Variants in TLE1 observed in about 807,000 individuals in gnomAD.
The protein encoded by TLE1 is TLE family member 1, transcriptional corepressor.
In TLE1, 21 loss-of-function variants were observed where a neutral mutation model predicts 89.8. That is an observed-to-expected ratio of 0.23 (90% CI 0.17 to 0.34). TLE1 has a LOEUF of 0.34. Ranked by LOEUF, TLE1 falls within the 10% of genes least tolerant of loss-of-function variation. TLE1 has a pLI of 1.00. For synonymous variants in TLE1, 447 were observed against 407.6 expected (o/e 1.10, Z -1.16); for missense variants, 795 against 1,031.2 (o/e 0.77, Z 3.14).
rs372858373 is a variant in TLE1 at position 81,591,079 on chromosome 9, A to G, written c.1582-27T>C. 2.1e-5 allele frequency: 34 copies of G among 1,601,050 alleles called. No homozygotes were observed. In the African/African-American group the frequency reaches 3.6e-4, roughly 17 times the overall value. ...TGTAGAATAAACATAATTCATTGCT[A>G]TAATGAATTACCGAGCAATCATAGC... On this transcript the variant is annotated intron_variant, in intron 15 of 19. Coordinates refer to ENST00000376499, the MANE Select transcript of TLE1 (RefSeq NM_005077.5).
At chr9:81,588,072 T>C (rs527818446) in intron 16 of TLE1, among the ~76,000 whole-genome samples, 1 of 152,284 alleles carries the variant, frequency 6.6e-6, no homozygotes, top group Non-Finnish European at 1.5e-5. Flanking sequence ...GGAATGCCAC[T>C]GCAGGTCACT....
At chr9:81,661,568 T>G (rs1383178420) in intron 4 of TLE1, among the ~76,000 whole-genome samples, 1 of 152,190 alleles carries the variant, frequency 6.6e-6, no homozygotes, top group African/African-American at 2.4e-5. Context: ...GCTGGCAAAC[T>G]GATCTTCTGG....
intron 12 of TLE1, among the ~76,000 whole-genome samples, chr9:81,612,574 T>C (rs1191113409): frequency 1.3e-5 from 2 of 152,112 alleles, no homozygotes; most frequent in African/African-American, 4.8e-5. Context: ...GAGAGACCAC[T>C]GATTCCTGAA....
intron 4 of TLE1, among the ~76,000 whole-genome samples, chr9:81,662,784 AGT>A (rs1830983637): frequency 6.6e-6 from 1 of 151,922 alleles, no homozygotes; most frequent in African/African-American, 2.4e-5. Flanking sequence ...TAGGGCTTTT[AGT>A]GACCTTTTTT....
intron 4 of TLE1, among the ~76,000 whole-genome samples, chr9:81,675,844 G>A (rs953322148): frequency 3.9e-5 from 6 of 151,980 alleles, no homozygotes; most frequent in African/African-American, 1.2e-4. Flanking sequence ...GGGATGACAG[G>A]TGCCTGCCAC....
intron 8 of TLE1, among the ~76,000 whole-genome samples, chr9:81,626,866 G>C (rs929342357): frequency 3.3e-5 from 5 of 152,160 alleles, no homozygotes; most frequent in Non-Finnish European, 7.4e-5. Flanking sequence ...CTCTGGAGCA[G>C]ACAATAAATA....
At chr9:81,607,584 A>C (rs1338087189) in intron 14 of TLE1, among the ~76,000 whole-genome samples, 1 of 152,158 alleles carries the variant, frequency 6.6e-6, no homozygotes, top group Non-Finnish European at 1.5e-5. Context: ...CCAAAGGTTC[A>C]TTGGTTACTG....
Position 81,639,585 on chromosome 9 carries a change from T to G in TLE1, c.373-5284A>C, listed in dbSNP as rs185147420. ...TGATTAGTAAAAGTTGTTTTTTTTT[T>G]TTGTTTTTTTTTTTTTTGAGACAGT... is the stretch of plus-strand genomic sequence containing the variant. On this transcript the variant is annotated intron_variant, in intron 6 of 19. Transcript: ENST00000376499. 8.0e-3 allele frequency among the ~76,000 whole-genome samples: 1,183 copies of G among 148,568 alleles called. 27 individuals are homozygous for G. The highest frequency in any genetic ancestry group is 0.027 in the African/African-American group (1,080 of 40,102).
chr9:81,610,338 G>A, intron 13 of TLE1, 42 bp from the exon 14 acceptor site: 1 of 1,500,912 alleles, frequency 6.7e-7, no homozygotes, highest in Non-Finnish European at 9.3e-7. Flanking sequence ...GTTTATTGCA[G>A]CAGGCACTTT....
intron 4 of TLE1, among the ~76,000 whole-genome samples, chr9:81,661,858 T>C (rs925946394): frequency 2.0e-5 from 3 of 152,134 alleles, no homozygotes; most frequent in Non-Finnish European, 4.4e-5. Flanking sequence ...TTAAGGCAAT[T>C]TTTAAAAAAT....
intron 8 of TLE1, among the ~76,000 whole-genome samples, chr9:81,621,397 G>A (rs1825237968): frequency 6.6e-6 from 1 of 152,104 alleles, no homozygotes; most frequent in Admixed American, 6.5e-5. Context: ...TTTAAGTGTG[G>A]GATTAGCATA....
intron 9 of TLE1, among the ~76,000 whole-genome samples, chr9:81,617,438 C>T (rs934413783): frequency 1.3e-5 from 2 of 152,212 alleles, no homozygotes; most frequent in Non-Finnish European, 1.5e-5. Flanking sequence ...TGGCTCACGC[C>T]TGTAATCCCA....
rs150031587 is a variant in TLE1 at position 81,612,365 on chromosome 9, T to C, written c.1064-406A>G. 349 of 996,888 alleles carry C rather than the reference T, an allele frequency of 3.5e-4. No individual in the cohort carries two copies. The East Asian group carries it at 0.018, about 52-fold the overall frequency. 61.8% of individuals were successfully genotyped at this position (996,888 alleles called of 1,614,324 possible). A position where few individuals can be genotyped will look rare whatever the true frequency, so the allele number is the denominator to read the frequency against. ...CTTTCAGTCCGAACTTTCCATTCCC[T>C]GGTACCAATTCCAAATGAAAATCCA... is the stretch of plus-strand genomic sequence containing the variant. On this transcript the variant is annotated intron_variant, in intron 12 of 19. Coordinates refer to ENST00000376499, the MANE Select transcript of TLE1 (RefSeq NM_005077.5).
At chr9:81,663,959 T>A (rs893975954) in intron 4 of TLE1, among the ~76,000 whole-genome samples, 21 of 152,074 alleles carry the variant, frequency 1.4e-4, no homozygotes, top group Non-Finnish European at 1.5e-5. Context: ...CAATTATAAA[T>A]TGCAAACCTT....
At chr9:81,590,635 G>A (rs1244507750) in intron 16 of TLE1, among the ~76,000 whole-genome samples, 170 bp downstream of exon 16, 1 of 152,202 alleles carries the variant, frequency 6.6e-6, no homozygotes, top group African/African-American at 2.4e-5. Context: ...AAGACTGTAA[G>A]CCCCCCAAAG....
intron 6 of TLE1, among the ~76,000 whole-genome samples, chr9:81,644,429 T>C (rs915179243): frequency 1.3e-5 from 2 of 152,140 alleles, no homozygotes; most frequent in Non-Finnish European, 2.9e-5. Context: ...TGGATAAACC[T>C]TGAAAACATG....
intron 14 of TLE1, among the ~76,000 whole-genome samples, chr9:81,605,449 G>A (rs992794394): frequency 1.2e-4 from 19 of 152,080 alleles, no homozygotes; most frequent in African/African-American, 3.4e-4. Context: ...GGGGCGGGGC[G>A]GGGAACTGGT....
intron 12 of TLE1, 22 bp from the exon 13 acceptor site, chr9:81,611,981 A>T: frequency 7.0e-7 from 1 of 1,424,086 alleles, no homozygotes; most frequent in Non-Finnish European, 9.2e-7. Flanking sequence ...CACAAGCCGC[A>T]CATCATTCAA....
chr9:81,671,969 A>T (rs1052789787), intron 4 of TLE1, among the ~76,000 whole-genome samples: 12 of 152,152 alleles, frequency 7.9e-5, no homozygotes, highest in Non-Finnish European at 4.4e-5. Context: ...GAGCCAGCCC[A>T]CTTACAAATG....
Sources: gnomAD v4.1 joint callset for allele counts (sites outside exome capture counted in the v4.1 genomes callset) on GRCh38, gnomAD v4.1.1 for gene constraint, MANE v1.5 for transcripts, NCBI Gene and HGNC (gene_info 2026-07-23, HGNC 2026-07-21) for gene names.